ZCCHC4: variants seen among roughly 807,000 people sequenced by gnomAD.
The protein encoded by ZCCHC4 is zinc finger CCHC-type containing 4.
In ZCCHC4, 54 loss-of-function variants were observed where a neutral mutation model predicts 67.7. The ratio of observed to expected loss-of-function variants is 0.80; its 90% CI spans 0.64 to 1.00. The LOEUF (loss-of-function observed/expected upper bound fraction) is 1.00. Among genes scored for constraint, ZCCHC4 ranks in the 50% least tolerant of loss-of-function variants. ZCCHC4 has a pLI of 0.00. For synonymous variants in ZCCHC4, 198 were observed against 213.5 expected (o/e 0.93, Z 0.63); for missense variants, 609 against 617.0 (o/e 0.99, Z 0.14).
chr4:25,316,749 CCTATT>C (rs1718285984), intron 3 of ZCCHC4, among the ~76,000 whole-genome samples: 1 of 152,088 alleles, frequency 6.6e-6, no homozygotes, highest in Non-Finnish European at 1.5e-5. Flanking sequence ...AATATTTTCT[CCTATT>C]CTGTAGGTTG....
intron 5 of ZCCHC4, among the ~76,000 whole-genome samples, chr4:25,342,456 T>G (rs1179172320): frequency 6.6e-6 from 1 of 152,196 alleles, no homozygotes; most frequent in Non-Finnish European, 1.5e-5. Flanking sequence ...TTTGCTAAGA[T>G]GGATTTCTAT....
Position 25,314,143 on chromosome 4 carries a change from T to C in ZCCHC4, c.225T>C (p.Phe75=). The C allele has an allele frequency of 6.3e-7, 1 of 1,599,778 alleles. No homozygotes were observed. Among genetic ancestry groups the C allele is most frequent in the East Asian group, 2.2e-5 (1 of 44,824 alleles). The change falls in exon 2 of 13, where the codon TTT becomes TTC. Residue 75 remains phenylalanine, a synonymous_variant. Coordinates refer to ENST00000302874, the MANE Select transcript of ZCCHC4 (RefSeq NM_024936.3). The part of the protein sequence containing the change: ...SACRDRKDCN[F]FQWEDEKLSG... ...GTAGAGATAGAAAAGACTGTAATTTTTTTCAGTGGGAAGATGAAAAGGTAT... is the reference window on the plus strand; with the variant it reads ...GTAGAGATAGAAAAGACTGTAATTTCTTTCAGTGGGAAGATGAAAAGGTAT...
chr4:25,333,825 C>A, intron 4 of ZCCHC4, 83 bp from the exon 5 acceptor site: 2 of 947,778 alleles, frequency 2.1e-6, no homozygotes, highest in South Asian at 2.0e-5. Context: ...ACCAGAAGAA[C>A]ATTGATGGTT....
At chr4:25,365,661 A>T in intron 12 of ZCCHC4, 1 of 984,722 alleles carries the variant, frequency 1.0e-6, no homozygotes, top group East Asian at 1.1e-4. Flanking sequence ...CTTAATGCTT[A>T]AATATTTGAA....
chr4:25,328,942 C>T (rs1719033724), intron 3 of ZCCHC4, among the ~76,000 whole-genome samples: 1 of 152,150 alleles, frequency 6.6e-6, no homozygotes, highest in Non-Finnish European at 1.5e-5. Context: ...AATCCCAAGA[C>T]TTTTGGAGGC....
At chr4:25,337,531 C>A (rs1427080077) in intron 5 of ZCCHC4, among the ~76,000 whole-genome samples, 2 of 152,168 alleles carry the variant, frequency 1.3e-5, no homozygotes, top group Non-Finnish European at 2.9e-5. Flanking sequence ...GGGTCACTTG[C>A]CTATTCCAGA....
chr4:25,324,014 G>GTTTTTTTTTTTTTTTTTTTTTTTTTT lies in ZCCHC4; in HGVS notation c.329+8630_329+8631insTTTTTTTTTTTTTTTTTTTTTTTTTT, dbSNP rs71188998. Among the ~76,000 whole-genome samples the GTTTTTTTTTTTTTTTTTTTTTTTTTT allele has an allele frequency of 1.7e-4, 14 of 82,430 alleles. 3 individuals carry two copies. Among genetic ancestry groups the GTTTTTTTTTTTTTTTTTTTTTTTTTT allele is most frequent in the East Asian group, 3.6e-4 (1 of 2,812 alleles). The allele number at this position is 82,430 out of a possible 152,430, so 54.1% of individuals were successfully genotyped here. A position where few individuals can be genotyped will look rare whatever the true frequency, so the allele number is the denominator to read the frequency against. On this transcript the variant is annotated intron_variant, in intron 3 of 12. Transcript: ENST00000302874. ...TCGTACAGTATGTACTGTTTTTTGT[G>GTTTTTTTTTTTTTTTTTTTTTTTTTT]TTTTTTTTTTTTTTTTGAGACAGAG...
intron 12 of ZCCHC4, among the ~76,000 whole-genome samples, chr4:25,368,552 A>G (rs1721031426): frequency 6.6e-6 from 1 of 152,176 alleles, no homozygotes; most frequent in Non-Finnish European, 1.5e-5. Context: ...GAAAATCTGT[A>G]CGACTTAGGA....
At position 25,346,927 on chromosome 4, in the gene ZCCHC4, C is replaced by T. The variant is rs530909985; in HGVS notation, c.759+1307C>T. On this transcript the variant is annotated intron_variant, in intron 6 of 12. Coordinates refer to ENST00000302874, the MANE Select transcript of ZCCHC4 (RefSeq NM_024936.3). Reference sequence around the variant, plus strand: ...AAGAACTGGGTTGTCTAGGCATTCACGGAAGCAGTGAGAAGACTGTACTGA... The same window carrying T: ...AAGAACTGGGTTGTCTAGGCATTCATGGAAGCAGTGAGAAGACTGTACTGA... 2.6e-5 allele frequency among the ~76,000 whole-genome samples: 4 copies of T among 152,254 alleles called. 1 individual carries two copies. The highest frequency in any genetic ancestry group is 7.2e-5 in the African/African-American group (3 of 41,552).
At chr4:25,347,538 C>T (rs942379026) in intron 6 of ZCCHC4, among the ~76,000 whole-genome samples, 1 of 152,192 alleles carries the variant, frequency 6.6e-6, no homozygotes, top group African/African-American at 2.4e-5. Context: ...TGCAGAAACC[C>T]ATTGTTTTAA....
chr4:25,340,922 T>G (rs925738034), intron 5 of ZCCHC4, among the ~76,000 whole-genome samples: 1 of 152,146 alleles, frequency 6.6e-6, no homozygotes, highest in South Asian at 2.1e-4. Context: ...CTCTTCTTCC[T>G]CCTCCTAAGT....
chr4:25,323,394 A>C (rs1230865980), intron 3 of ZCCHC4, among the ~76,000 whole-genome samples: 1 of 130,234 alleles, frequency 7.7e-6, no homozygotes, highest in Non-Finnish European at 1.7e-5. Flanking sequence ...AATCAGGATC[A>C]TTGTTCTGTT....
At chr4:25,356,242 A>G (rs370430630) in intron 8 of ZCCHC4, among the ~76,000 whole-genome samples, 2 of 152,220 alleles carry the variant, frequency 1.3e-5, no homozygotes, top group Non-Finnish European at 1.5e-5. Context: ...AATGTCAGGG[A>G]TAATGATGGG....
At chr4:25,354,049 A>G (rs959191884) in intron 8 of ZCCHC4, among the ~76,000 whole-genome samples, 3 of 152,202 alleles carry the variant, frequency 2.0e-5, no homozygotes, top group Non-Finnish European at 2.9e-5. Context: ...AACCGCAATT[A>G]CTTTTGCACC....
At chr4:25,332,500 A>G in intron 3 of ZCCHC4, among the ~76,000 whole-genome samples, 1 of 152,174 alleles carries the variant, frequency 6.6e-6, no homozygotes, top group Non-Finnish European at 1.5e-5. Flanking sequence ...CATACTGACC[A>G]TGATTATTTT....
At chr4:25,313,807 G>A (rs983548993) in intron 1 of ZCCHC4, among the ~76,000 whole-genome samples, 1 of 152,180 alleles carries the variant, frequency 6.6e-6, no homozygotes, top group African/African-American at 2.4e-5. Context: ...CAGGATCTCA[G>A]TGAGCCATGA....
chr4:25,364,987 T>A, intron 11 of ZCCHC4, 35 bp from the exon 12 acceptor site: 3 of 1,611,226 alleles, frequency 1.9e-6, no homozygotes, highest in Admixed American at 1.7e-5. Flanking sequence ...TTACGTTACA[T>A]GAACTTCCTT....
intron 8 of ZCCHC4, among the ~76,000 whole-genome samples, chr4:25,357,817 C>T (rs1466897596): frequency 6.6e-6 from 1 of 152,222 alleles, no homozygotes; most frequent in African/African-American, 2.4e-5. Flanking sequence ...AGCAGTGGTT[C>T]TCAAACTTTA....
At chr4:25,326,375 T>C (rs1180552064) in intron 3 of ZCCHC4, among the ~76,000 whole-genome samples, 3 of 152,256 alleles carry the variant, frequency 2.0e-5, no homozygotes, top group Non-Finnish European at 2.9e-5. Flanking sequence ...GATCCGTCAC[T>C]TCATGACATC....
Sources: allele counts gnomAD v4.1 joint callset (sites outside exome capture counted in the v4.1 genomes callset), GRCh38; gene constraint gnomAD v4.1.1; transcripts MANE v1.5; gene names NCBI Gene and HGNC (gene_info 2026-07-23, HGNC 2026-07-21).